The following NUAK2 variants were observed in gnomAD, a reference collection of about 807,000 sequenced individuals.
The protein encoded by NUAK2 is NUAK family SNF1-like kinase 2.
A neutral mutation model predicts 29.8 loss-of-function variants in NUAK2; 20 were observed. The observed-to-expected ratio is 0.67, with a 90% confidence interval of 0.47 to 0.98. The LOEUF (loss-of-function observed/expected upper bound fraction) is 0.98. Among genes scored for constraint, NUAK2 ranks in the 50% least tolerant of loss-of-function variants. The pLI, the probability that NUAK2 is intolerant of heterozygous loss-of-function variation, is 0.00. For synonymous variants in NUAK2, 331 were observed against 342.6 expected, an observed-to-expected ratio of 0.97 and a Z score of 0.37; for missense variants, 719 against 834.5, an observed-to-expected ratio of 0.86 and a Z score of 1.71.
chr1:205,320,412 C>T (rs1378589549), intron 1 of NUAK2, among the ~76,000 whole-genome samples: 1 of 152,064 alleles, frequency 6.6e-6, no homozygotes, highest in African/African-American at 2.4e-5. Context: ...CTACAGGCGT[C>T]CGCCACCACG....
At position 205,308,643 on chromosome 1, in the gene NUAK2, T is replaced by C. The variant is rs1313378475; in HGVS notation, c.442A>G (p.Ser148Gly). The C allele has an allele frequency of 1.2e-6, 2 of 1,614,136 alleles. No homozygotes were observed. The highest frequency in any genetic ancestry group is 1.1e-5 in the South Asian group (1 of 91,082). ...YDYISERQQL[S>G]EREARHFFRQ... The stretch of plus-strand genomic sequence containing the variant: ...AAGAAATGCCTAGCTTCGCGCTCAC[T>C]GAGCTGCTGCCGCTCGCTGATGTAG... Residue 148 changes from serine (S) to glycine (G), a missense_variant, in exon 3 of 7, where the codon AGT (serine) becomes GGT (glycine). Around this residue, in one of 3 missense-constraint regions of NUAK2, gnomAD observed 283 missense variants for 345.6 expected, o/e 0.82. Coordinates refer to ENST00000367157, the MANE Select transcript of NUAK2 (RefSeq NM_030952.3). This position sits in a 1 kb window ranked among gnomAD's most constrained non-coding sequence, Gnocchi z 4.1.
intron 1 of NUAK2, among the ~76,000 whole-genome samples, chr1:205,320,200 C>T (rs1662391047): frequency 6.6e-6 from 1 of 152,036 alleles, no homozygotes; most frequent in African/African-American, 2.4e-5. Context: ...ATTTGCCATC[C>T]TTTCTGGGCT....
chr1:205,310,026 G>T (rs1662234905), intron 2 of NUAK2, among the ~76,000 whole-genome samples: 2 of 152,206 alleles, frequency 1.3e-5, no homozygotes, highest in African/African-American at 4.8e-5. Flanking sequence ...CCCTGACATT[G>T]CATCTTTGTG....
At position 205,308,711 on chromosome 1, in the gene NUAK2, A is replaced by G; in HGVS notation, c.374T>C (p.Ile125Thr). Reference protein sequence around the residue: ...IHEVFENSSKIVIVMEYASRG... With the variant: ...IHEVFENSSKTVIVMEYASRG... ...GCTGGCATACTCCATGACGATCACG[A>G]TCTTGCTGCTGTTCTCAAACACTGG... Residue 125 changes from isoleucine (I) to threonine (T), a missense_variant, in exon 3 of 7, where the codon ATC becomes ACC. By Grantham distance (89) the Ile-to-Thr change is moderately conservative (BLOSUM62 -1). Around this residue, in one of 3 missense-constraint regions of NUAK2, gnomAD observed 283 missense variants for 345.6 expected, o/e 0.82. Transcript: ENST00000367157. The surrounding 1 kb of genome is among the most constrained non-coding windows in gnomAD (Gnocchi z 4.1). 1 of 1,614,078 alleles carries G rather than the reference A, an allele frequency of 6.2e-7. No homozygotes were observed. The highest frequency in any genetic ancestry group is 1.1e-5 in the South Asian group (1 of 91,082).
chr1:205,303,945 C>A lies in NUAK2; in HGVS notation c.1392G>T (p.Glu464Asp), dbSNP rs1662132776. Residue 464 changes from glutamate (E) to aspartate (D), a missense_variant, in exon 7 of 7, where the codon GAG becomes GAT. By Grantham distance (45) the Glu-to-Asp change is conservative (BLOSUM62 2). Transcript: ENST00000367157. ...CCAAGAGCTCCCCAGATTCACTGGG[C>A]TCGGGAGAGGAGTAGTAGCCAGACT... Reference protein sequence around the residue: ...QRESGYYSSPEPSESGELLDA... With the variant: ...QRESGYYSSPDPSESGELLDA... 1 of 1,613,972 alleles carries A rather than the reference C, an allele frequency of 6.2e-7. No homozygotes were observed. The highest frequency in any genetic ancestry group is 1.3e-5 in the African/African-American group (1 of 75,052).
Position 205,305,456 on chromosome 1 carries a change from G to T in NUAK2, c.691-125C>A, listed in dbSNP as rs1662166784. 3.5e-6 allele frequency: 5 copies of T among 1,440,954 alleles called. No individual in the cohort carries two copies. The South Asian group carries it at 5.9e-5, about 17-fold the overall frequency. 89.3% of individuals were successfully genotyped at this position (1,440,954 alleles called of 1,614,324 possible). A position where few individuals can be genotyped will look rare whatever the true frequency, so the allele number is the denominator to read the frequency against. On this transcript the variant is annotated intron_variant, in intron 5 of 6. Transcript: ENST00000367157. ...CTCTCCTACCCAGGGGCCAAGACGG[G>T]GATGCTGCAGAAGGGGTCTGAGATG...
At chr1:205,305,090 A>G (rs1662160476) in intron 6 of NUAK2, 109 bp downstream of exon 6, 1 of 1,422,032 alleles carries the variant, frequency 7.0e-7, no homozygotes, top group Non-Finnish European at 9.6e-7. Context: ...ACCATGGGCC[A>G]TGATGGACTG....
At chr1:205,313,870 A>T (rs1662289041) in intron 1 of NUAK2, among the ~76,000 whole-genome samples, 1 of 152,032 alleles carries the variant, frequency 6.6e-6, no homozygotes, top group Non-Finnish European at 1.5e-5. Flanking sequence ...TAAATACGAG[A>T]CTTCCTCTTA....
chr1:205,302,907 T>TAAATAA lies in NUAK2; in HGVS notation c.*537_*542dup, dbSNP rs61237434. Reference sequence around the variant, plus strand: ...ACTCCGTCTCAAAAAAATAAATAAATAAATAAAAATAAAAATAAAAATAAC... The same window carrying TAAATAA: ...ACTCCGTCTCAAAAAAATAAATAAATAAATAAAAATAAAAATAAAAATAAAAATAAC... On this transcript the variant is annotated 3_prime_UTR_variant, in exon 7 of 7. Coordinates refer to ENST00000367157, the MANE Select transcript of NUAK2 (RefSeq NM_030952.3). 144 of 151,840 alleles carry TAAATAA rather than the reference T, an allele frequency of 9.5e-4. No homozygotes were observed. Among genetic ancestry groups the TAAATAA allele is most frequent in the African/African-American group, 3.3e-3 (136 of 41,360 alleles). 9.4% of individuals were successfully genotyped at this position (151,840 alleles called of 1,614,324 possible). A position where few individuals can be genotyped will look rare whatever the true frequency, so the allele number is the denominator to read the frequency against.
intron 2 of NUAK2, 79 bp downstream of exon 2, chr1:205,311,626 G>C: frequency 6.5e-7 from 1 of 1,541,268 alleles, no homozygotes; most frequent in Non-Finnish European, 8.9e-7. Context: ...TGTTTCTTCT[G>C]ACACATGTAC....
At position 205,306,194 on chromosome 1, in the gene NUAK2, G is replaced by A; in HGVS notation, c.684C>T (p.Gly228=). ...PEIVNGKPYT[G]PEVDSWSLGV... ...GGGGAGGGTGGCCACTTACCTCTGG[G>A]CCTGTGTAGGGCTTCCCATTGACAA... is the stretch of plus-strand genomic sequence containing the variant. The change falls in exon 5 of 7, where the codon GGC becomes GGT. Residue 228 remains glycine, a synonymous_variant. Coordinates refer to ENST00000367157, the MANE Select transcript of NUAK2 (RefSeq NM_030952.3). The A allele has an allele frequency of 6.2e-7, 1 of 1,610,292 alleles. No individual in the cohort carries two copies. The highest frequency in any genetic ancestry group is 8.5e-7 in the Non-Finnish European group (1 of 1,178,418).
intron 2 of NUAK2, 81 bp downstream of exon 2, chr1:205,311,624 C>T (rs1662258432): frequency 1.9e-6 from 3 of 1,547,074 alleles, no homozygotes; most frequent in Non-Finnish European, 2.7e-6. Context: ...GTTGTTTCTT[C>T]TGACACATGT....
rs551203893 is a variant in NUAK2, at chr1:205,311,608, C to T, written c.352+97G>A. ...TCTAGAGCCTATATTTTTTTTACTT[C>T]TTTATGTTGTTTCTTCTGACACATG... On this transcript the variant is annotated intron_variant, in intron 2 of 6. Transcript: ENST00000367157. 1.6e-4 allele frequency: 242 copies of T among 1,501,664 alleles called. No individual in the cohort carries two copies. The African/African-American group carries it at 2.9e-3, about 18-fold the overall frequency. 93.0% of individuals were successfully genotyped at this position (1,501,664 alleles called of 1,614,324 possible). A position where few individuals can be genotyped will look rare whatever the true frequency, so the allele number is the denominator to read the frequency against.
chr1:205,321,676 C>T lies in NUAK2; in HGVS notation c.-48G>A, dbSNP rs775335398. 110 of 1,508,888 alleles carry T rather than the reference C, an allele frequency of 7.3e-5. No homozygotes were observed. The highest frequency in any genetic ancestry group is 9.6e-5 in the Non-Finnish European group (107 of 1,110,448). 93.5% of individuals were successfully genotyped at this position (1,508,888 alleles called of 1,614,324 possible). On this transcript the variant is annotated 5_prime_UTR_variant, in exon 1 of 7. Coordinates refer to ENST00000367157, the MANE Select transcript of NUAK2 (RefSeq NM_030952.3). ...GCGGCAGGGGAATCAGTAGGCTGTG[C>T]GGGGAGGGCTGAAGCGCGGGGCACA...
chr1:205,305,394 G>T, intron 5 of NUAK2, 63 bp from the exon 6 acceptor site: 1 of 1,570,178 alleles, frequency 6.4e-7, no homozygotes. Flanking sequence ...TTACATGCTG[G>T]AGAACTCAGA....
rs1229199115 is a variant in NUAK2, at chr1:205,321,475, G to T, written c.154C>A (p.Arg52Ser). ...CCCAGGGTCTCCAGGAACTCGTAGC[G>T]GTGCCGCAGGTTGTGCTTGTGGTGG... ...RHHHKHNLRH[R>S]YEFLETLGKG... The change falls in exon 1 of 7, where the codon CGC becomes AGC. Residue 52 changes from arginine (R) to serine (S), a missense_variant. Physicochemically the swap from Arg to Ser is moderately radical, Grantham distance 110 (BLOSUM62 -1). This residue lies in a region of NUAK2 where 283 missense variants were observed against 345.6 expected (regional missense o/e 0.82). Coordinates refer to ENST00000367157, the MANE Select transcript of NUAK2 (RefSeq NM_030952.3). The T allele has an allele frequency of 6.2e-7, 1 of 1,613,912 alleles. No individual in the cohort carries two copies. The highest frequency in any genetic ancestry group is 8.5e-7 in the Non-Finnish European group (1 of 1,179,910).
rs73085125 is a variant in NUAK2, at chr1:205,313,237, A to G, written c.232-1412T>C. Reference sequence around the variant, plus strand: ...ACCATGTTTTTAAAAATTGGTCCCAAAATTATGAAGAAAAAAAAAAAAAGC... The same window carrying G: ...ACCATGTTTTTAAAAATTGGTCCCAGAATTATGAAGAAAAAAAAAAAAAGC... On this transcript the variant is annotated intron_variant, in intron 1 of 6. Transcript: ENST00000367157. Among the ~76,000 whole-genome samples, 1,306 of 151,504 alleles carry G rather than the reference A, an allele frequency of 8.6e-3. 22 individuals are homozygous for G. The highest frequency in any genetic ancestry group is 0.031 in the African/African-American group (1,254 of 41,114).
intron 1 of NUAK2, among the ~76,000 whole-genome samples, chr1:205,312,273 ACCTT>A (rs1477812208): frequency 6.6e-6 from 1 of 152,088 alleles, no homozygotes; most frequent in Admixed American, 6.5e-5. Context: ...CCTCACAACA[ACCTT>A]GGGAGGTGGG....
chr1:205,313,746 C>T (rs1056194419), intron 1 of NUAK2, among the ~76,000 whole-genome samples: 1 of 151,802 alleles, frequency 6.6e-6, no homozygotes, highest in Non-Finnish European at 1.5e-5. Flanking sequence ...TGAAATTAGC[C>T]GTACAGATGC....
Sources: allele counts gnomAD v4.1 joint callset (sites outside exome capture counted in the v4.1 genomes callset), GRCh38; gene constraint gnomAD v4.1.1; regional missense constraint gnomAD v4.1.1; non-coding constraint Gnocchi (gnomAD v3.1); transcripts MANE v1.5; gene names NCBI Gene and HGNC (gene_info 2026-07-23, HGNC 2026-07-21).